AIG1: variants seen among roughly 807,000 people sequenced by gnomAD.
AIG1 encodes androgen induced 1, also known as androgen-induced gene 1 protein.
Under a neutral mutation model 31.4 loss-of-function variants are expected in AIG1, and 23 were observed. The ratio of observed to expected loss-of-function variants is 0.73; its 90% CI spans 0.53 to 1.04. The LOEUF (loss-of-function observed/expected upper bound fraction) is 1.04. Among genes scored for constraint, AIG1 ranks in the 50% least tolerant of loss-of-function variants. The pLI, the probability that AIG1 is intolerant of heterozygous loss-of-function variation, is 0.00. For missense variants in AIG1, 274 were observed against 295.0 expected (o/e 0.93, Z 0.52); for synonymous variants, 100 against 110.5 (o/e 0.90, Z 0.60).
chr6:143,286,226 A>T (rs1797671796), intron 4 of AIG1, among the ~76,000 whole-genome samples: 1 of 152,138 alleles, frequency 6.6e-6, no homozygotes, highest in African/African-American at 2.4e-5. Context: ...GAATCAGTCC[A>T]CGTTCCAAAG....
At chr6:143,105,632 G>A (rs1440812916) in intron 1 of AIG1, among the ~76,000 whole-genome samples, 5 of 152,324 alleles carry the variant, frequency 3.3e-5, no homozygotes, top group African/African-American at 9.6e-5. Context: ...GCGAAGGATC[G>A]TTTTAGGTTA....
chr6:143,342,547 C>G, downstream of AIG1: 3 of 853,724 alleles, frequency 3.5e-6, no homozygotes, highest in Non-Finnish European at 6.2e-6. Context: ...CTCATAAAAC[C>G]TTTATTTTTT....
intron 3 of AIG1, among the ~76,000 whole-genome samples, chr6:143,183,196 CTT>C (rs35379724): frequency 2.0e-4 from 26 of 132,796 alleles, no homozygotes; most frequent in African/African-American, 3.1e-4. Context: ...CGGACAATGG[CTT>C]TTTTTTTTTT....
rs1777110079 is a variant in AIG1 at position 143,331,868 on chromosome 6, T to TTATTATTAC, written c.516-1406_516-1405insCTATTATTA. Among the ~76,000 whole-genome samples, 1 of 147,388 alleles carries TTATTATTAC rather than the reference T, an allele frequency of 6.8e-6. No individual in the cohort carries two copies. Among genetic ancestry groups the TTATTATTAC allele is most frequent in the African/African-American group, 2.5e-5 (1 of 40,338 alleles). On this transcript the variant is annotated intron_variant, in intron 4 of 5. Coordinates refer to ENST00000357847, the MANE Select transcript of AIG1 (RefSeq NM_016108.4). This position sits in a 1 kb window ranked among gnomAD's most constrained non-coding sequence, Gnocchi z 4.1. Reference sequence around the variant, plus strand: ...ATGTTTATTATTATTATTATTATTATTATTATTATTATTATTATTTTGAGA... The same window carrying TTATTATTAC: ...ATGTTTATTATTATTATTATTATTATTATTATTACTATTATTATTATTATTATTTTGAGA...
chr6:143,199,873 A>T (rs1487517137), intron 3 of AIG1, among the ~76,000 whole-genome samples: 1 of 152,218 alleles, frequency 6.6e-6, no homozygotes. Flanking sequence ...AATTAGAAGG[A>T]TCAGGAAGAG....
chr6:143,139,817 A>G (rs1261293383), intron 2 of AIG1, among the ~76,000 whole-genome samples: 6 of 152,100 alleles, frequency 3.9e-5, no homozygotes, highest in Non-Finnish European at 7.4e-5. Context: ...TGCAATTTCC[A>G]CCAGACTTCT....
At chr6:143,221,169 C>T (rs1792484412) in intron 3 of AIG1, among the ~76,000 whole-genome samples, 1 of 152,172 alleles carries the variant, frequency 6.6e-6, no homozygotes, top group African/African-American at 2.4e-5. Flanking sequence ...TAGATAAGCA[C>T]ACTCTTATTA....
intron 3 of AIG1, among the ~76,000 whole-genome samples, chr6:143,251,320 G>A (rs1313978423): frequency 6.6e-6 from 1 of 152,150 alleles, no homozygotes; most frequent in African/African-American, 2.4e-5. Context: ...CCAAAGTGCT[G>A]GGATTACAGG....
intron 3 of AIG1, among the ~76,000 whole-genome samples, chr6:143,194,392 C>T (rs192574668): frequency 6.6e-6 from 1 of 152,172 alleles, no homozygotes; most frequent in African/African-American, 2.4e-5. Context: ...TTCCCTCCCT[C>T]GACACGTAGG....
At position 143,246,035 on chromosome 6, in the gene AIG1, TCTC is replaced by T. The variant is rs528934787; in HGVS notation, c.400-38071_400-38069del. 1.6e-3 allele frequency among the ~76,000 whole-genome samples: 249 copies of T among 152,194 alleles called. 1 individual carries two copies. The highest frequency in any genetic ancestry group is 2.9e-3 in the Non-Finnish European group (198 of 68,004). ...GCTTAAAAAAAAGTTGCAAAACAAA[TCTC>T]CTCACGTTTTAAGAAAGTTTAGAAA... On this transcript the variant is annotated intron_variant, in intron 3 of 5. Transcript: ENST00000357847.
intron 3 of AIG1, among the ~76,000 whole-genome samples, chr6:143,179,869 T>G (rs1394948193): frequency 6.6e-6 from 1 of 152,236 alleles, no homozygotes; most frequent in Non-Finnish European, 1.5e-5. Context: ...GCTGGCTCAA[T>G]ATCTAAAATC....
intron 1 of AIG1, among the ~76,000 whole-genome samples, chr6:143,117,312 C>A (rs545959529): frequency 6.6e-6 from 1 of 152,082 alleles, no homozygotes; most frequent in South Asian, 2.1e-4. Flanking sequence ...AGATAGGAAG[C>A]CTTTGAAGGA....
intron 3 of AIG1, among the ~76,000 whole-genome samples, chr6:143,172,907 T>C (rs1338371493): frequency 6.6e-6 from 1 of 152,226 alleles, no homozygotes; most frequent in East Asian, 1.9e-4. Flanking sequence ...GTATCAGTTG[T>C]AATGTCTCCC....
At position 143,279,947 on chromosome 6, in the gene AIG1, T is replaced by C. The variant is rs1354886915; in HGVS notation, c.400-4163T>C. On this transcript the variant is annotated intron_variant, in intron 3 of 5. Coordinates refer to ENST00000357847, the MANE Select transcript of AIG1 (RefSeq NM_016108.4). The surrounding 1 kb of genome is among the most constrained non-coding windows in gnomAD (Gnocchi z 5.4). ...CATTTTACTTAGCTCTTCAAACAAG[T>C]CAAGCCTTGTTTTTAGCTCAGCTCC... Among the ~76,000 whole-genome samples the C allele has an allele frequency of 6.6e-6, 1 of 152,216 alleles. No individual in the cohort carries two copies. The highest frequency in any genetic ancestry group is 1.5e-5 in the Non-Finnish European group (1 of 68,034).
rs1248114392 is a variant in AIG1 at position 143,331,414 on chromosome 6, A to C, written c.516-1868A>C. Among the ~76,000 whole-genome samples the C allele has an allele frequency of 6.6e-6, 1 of 152,042 alleles. No homozygotes were observed. Among genetic ancestry groups the C allele is most frequent in the African/African-American group, 2.4e-5 (1 of 41,396 alleles). On this transcript the variant is annotated intron_variant, in intron 4 of 5. Coordinates refer to ENST00000357847, the MANE Select transcript of AIG1 (RefSeq NM_016108.4). This position sits in a 1 kb window ranked among gnomAD's most constrained non-coding sequence, Gnocchi z 4.1. ...GATACCATGCTTTCTGTCTCTGTGA[A>C]ATTGCCTATTCTAGGTACCTCATAT...
intron 3 of AIG1, among the ~76,000 whole-genome samples, chr6:143,235,680 A>T (rs1793757752): frequency 6.6e-6 from 1 of 152,218 alleles, no homozygotes; most frequent in Non-Finnish European, 1.5e-5. Context: ...ATAAATAAAC[A>T]ACAGAAAAGG....
At chr6:143,177,017 C>T (rs973873097) in intron 3 of AIG1, among the ~76,000 whole-genome samples, 2 of 152,196 alleles carry the variant, frequency 1.3e-5, no homozygotes, top group Non-Finnish European at 2.9e-5. Flanking sequence ...CGCATTCTCC[C>T]TAAATGGATT....
intron 3 of AIG1, chr6:143,187,268 A>T (rs1273219520): frequency 1.3e-6 from 1 of 790,072 alleles, no homozygotes; most frequent in East Asian, 2.7e-5. Flanking sequence ...TATTTGAAAG[A>T]TCTTGGCTTA....
intron 3 of AIG1, among the ~76,000 whole-genome samples, chr6:143,266,929 T>C (rs1796198471): frequency 6.6e-6 from 1 of 152,078 alleles, no homozygotes; most frequent in South Asian, 2.1e-4. Flanking sequence ...TAAGAATTCA[T>C]TAAGGACAAT....
Sources: gnomAD v4.1 joint callset for allele counts (sites outside exome capture counted in the v4.1 genomes callset) on GRCh38, gnomAD v4.1.1 for gene constraint, Gnocchi (gnomAD v3.1) non-coding constraint, MANE v1.5 for transcripts, NCBI Gene and HGNC (gene_info 2026-07-23, HGNC 2026-07-21) for gene names.